NRXN1: variants seen among roughly 807,000 people sequenced by gnomAD.
NRXN1 encodes neurexin-1.
NRXN1 carries 39 observed loss-of-function variants against 150.9 expected under a neutral mutation model. The ratio of observed to expected loss-of-function variants is 0.26; its 90% CI spans 0.20 to 0.34. The LOEUF is 0.34. Ranked by LOEUF, NRXN1 falls within the 10% of genes least tolerant of loss-of-function variation. The pLI is 1.00. For missense variants in NRXN1, 1,815 were observed against 1,949.9 expected (o/e 0.93, Z 1.30); for synonymous variants, 924 against 757.0 (o/e 1.22, Z -3.62).
chr2:50,135,657 C>T (rs1237317642), intron 18 of NRXN1, among the ~76,000 whole-genome samples: 3 of 152,054 alleles, frequency 2.0e-5, no homozygotes, highest in African/African-American at 7.2e-5. Flanking sequence ...CACCATTGCA[C>T]TCCAGCCTGG....
At chr2:50,900,337 A>T (rs930056310) in intron 5 of NRXN1, among the ~76,000 whole-genome samples, 1 of 152,164 alleles carries the variant, frequency 6.6e-6, no homozygotes, top group Non-Finnish European at 1.5e-5. Flanking sequence ...GTGGAAGGGT[A>T]AGTATCTGGG....
chr2:50,436,352 C>T (rs1014824517), intron 17 of NRXN1, among the ~76,000 whole-genome samples: 2 of 151,978 alleles, frequency 1.3e-5, no homozygotes, highest in African/African-American at 2.4e-5. Flanking sequence ...ACTTGGGAAG[C>T]TGAGGCAGAA....
chr2:50,942,488 C>T (rs957441612), intron 2 of NRXN1, among the ~76,000 whole-genome samples: 4 of 152,170 alleles, frequency 2.6e-5, no homozygotes, highest in Non-Finnish European at 5.9e-5. Flanking sequence ...CCATACCCTA[C>T]AGAGCCATGG....
At chr2:50,191,951 A>G (rs1307274082) in intron 18 of NRXN1, among the ~76,000 whole-genome samples, 1 of 152,180 alleles carries the variant, frequency 6.6e-6, no homozygotes, top group Admixed American at 6.5e-5. Flanking sequence ...ACATATCTAA[A>G]TTATAAAGAA....
At chr2:50,256,697 G>A (rs2067729758) in intron 17 of NRXN1, among the ~76,000 whole-genome samples, 2 of 152,096 alleles carry the variant, frequency 1.3e-5, no homozygotes, top group African/African-American at 4.8e-5. Flanking sequence ...ACTGCGTAGA[G>A]CCTACATTTC....
At chr2:51,006,555 T>TA (rs70958637) in intron 2 of NRXN1, among the ~76,000 whole-genome samples, 5 of 150,846 alleles carry the variant, frequency 3.3e-5, no homozygotes, top group East Asian at 2.0e-4. Context: ...TAATAAAATT[T>TA]AAAAAAAAAG....
chr2:50,610,737 A>T (rs1038713202), intron 8 of NRXN1, among the ~76,000 whole-genome samples: 2 of 129,952 alleles, frequency 1.5e-5, no homozygotes, highest in African/African-American at 5.8e-5. Flanking sequence ...TTACTAGAAC[A>T]TAGCTTGTAA....
intron 2 of NRXN1, among the ~76,000 whole-genome samples, chr2:50,983,304 T>C (rs981149386): frequency 1.3e-5 from 2 of 152,130 alleles, no homozygotes; most frequent in Non-Finnish European, 2.9e-5. Flanking sequence ...CACTTTCTCC[T>C]CGATAGAAAA....
intron 17 of NRXN1, among the ~76,000 whole-genome samples, chr2:50,372,843 C>T (rs1339827321): frequency 6.6e-6 from 1 of 152,072 alleles, no homozygotes; most frequent in Non-Finnish European, 1.5e-5. Flanking sequence ...CTGTTAGAAG[C>T]AACATTGATC....
At chr2:50,627,756 A>C (rs1681424679) in intron 5 of NRXN1, among the ~76,000 whole-genome samples, 1 of 151,716 alleles carries the variant, frequency 6.6e-6, no homozygotes. Flanking sequence ...ATTAATTTAC[A>C]TTATTAAGAA....
At chr2:50,161,497 G>C (rs1456937648) in intron 18 of NRXN1, among the ~76,000 whole-genome samples, 2 of 152,104 alleles carry the variant, frequency 1.3e-5, no homozygotes, top group Non-Finnish European at 1.5e-5. Flanking sequence ...TTGGGTAAGG[G>C]GCATCCTTAC....
chr2:50,848,065 T>C (rs1307368145), intron 5 of NRXN1, among the ~76,000 whole-genome samples: 1 of 152,134 alleles, frequency 6.6e-6, no homozygotes, highest in Non-Finnish European at 1.5e-5. Context: ...AAGCCGCCTA[T>C]AGACGGCAAA....
chr2:50,600,378 G>A (rs944404247), intron 8 of NRXN1, among the ~76,000 whole-genome samples: 3 of 143,162 alleles, frequency 2.1e-5, no homozygotes, highest in Non-Finnish European at 4.5e-5. Flanking sequence ...AGGCTGGAGT[G>A]CAGTGGTGCC....
chr2:50,249,812 A>ATT (rs2066873572), intron 17 of NRXN1, among the ~76,000 whole-genome samples: 1 of 151,856 alleles, frequency 6.6e-6, no homozygotes, highest in Non-Finnish European at 1.5e-5. Context: ...AAATTTTTAT[A>ATT]TTTTTAGTAG....
chr2:50,789,437 C>G (rs1173550168), intron 5 of NRXN1, among the ~76,000 whole-genome samples: 2 of 152,140 alleles, frequency 1.3e-5, no homozygotes, highest in Admixed American at 1.3e-4. Flanking sequence ...ACTCCTACGT[C>G]TTTCATCTTT....
At position 50,936,739 on chromosome 2, in the gene NRXN1, A is replaced by G. The variant is rs189354742; in HGVS notation, c.773-10784T>C. Among the ~76,000 whole-genome samples, 1,185 of 152,264 alleles carry G rather than the reference A, an allele frequency of 7.8e-3. 9 individuals are homozygous for G. Among genetic ancestry groups the G allele is most frequent in the Non-Finnish European group, 0.011 (778 of 67,984 alleles). ...AATTAATATGGCTCAGAGCAATATG[A>G]AAACTATTCTGGACTGAGATTGAGA... On this transcript the variant is annotated intron_variant, in intron 2 of 22. Transcript: ENST00000401669.
At chr2:50,178,254 C>T (rs1022242123) in intron 18 of NRXN1, among the ~76,000 whole-genome samples, 2 of 151,996 alleles carry the variant, frequency 1.3e-5, no homozygotes, top group South Asian at 2.1e-4. Flanking sequence ...AACAGATTGG[C>T]TGGATGGCAC....
chr2:50,735,093 A>G (rs1187338235), intron 5 of NRXN1, among the ~76,000 whole-genome samples: 1 of 152,168 alleles, frequency 6.6e-6, no homozygotes, highest in East Asian at 1.9e-4. Context: ...TTAACTTTTA[A>G]AAGCTTAAAG....
chr2:50,961,274 T>C (rs1558495849), intron 2 of NRXN1, among the ~76,000 whole-genome samples: 2 of 151,876 alleles, frequency 1.3e-5, no homozygotes, highest in Non-Finnish European at 2.9e-5. Context: ...AAAATGTAGA[T>C]TATTTTTCAT....
Sources: allele counts gnomAD v4.1 joint callset (sites outside exome capture counted in the v4.1 genomes callset), GRCh38; gene constraint gnomAD v4.1.1; transcripts MANE v1.5; gene names NCBI Gene and HGNC (gene_info 2026-07-23, HGNC 2026-07-21).